Variants in MIDEAS observed in about 807,000 individuals in gnomAD.
The protein encoded by MIDEAS is mitotic deacetylase-associated SANT domain protein.
Under a neutral mutation model 102.7 loss-of-function variants are expected in MIDEAS, and 26 were observed. The ratio of observed to expected loss-of-function variants is 0.25; its 90% CI spans 0.19 to 0.35. MIDEAS has a LOEUF of 0.35. MIDEAS is among the 10% of genes least tolerant of loss of function. The pLI is 1.00. For missense variants in MIDEAS, 1,231 were observed against 1,435.6 expected (o/e 0.86, Z 2.30); for synonymous variants, 585 against 591.0 (o/e 0.99, Z 0.15).
intron 11 of MIDEAS, 151 bp from the exon 12 acceptor site, chr14:73,719,652 G>C: frequency 1.4e-6 from 1 of 709,092 alleles, no homozygotes; most frequent in South Asian, 1.8e-5. Context: ...GGGATATGAC[G>C]ACCATTGCCT....
chr14:73,764,501 C>T (rs769252917), upstream of MIDEAS, among the ~76,000 whole-genome samples: 10 of 152,278 alleles, frequency 6.6e-5, 1 homozygote, highest in Middle Eastern at 6.8e-3. Context: ...TGTCCTCCAA[C>T]GCTTCTCTCC....
rs1230177030 is a variant in MIDEAS, at chr14:73,740,112, G to A, written c.-104C>T. 10 of 1,373,722 alleles carry A rather than the reference G, an allele frequency of 7.3e-6. No individual in the cohort carries two copies. The highest frequency in any genetic ancestry group is 1.9e-4 in the Middle Eastern group (1 of 5,258). The allele number at this position is 1,373,722 out of a possible 1,614,324, so 85.1% of individuals were successfully genotyped here. On this transcript the variant is annotated 5_prime_UTR_variant, in exon 2 of 13. Transcript: ENST00000423556. ...CGGGCTCTAGTCCAGGAGCCAGGGA[G>A]GGCAGAGCAGGGGCAGAGGAAGACG...
At chr14:73,751,995 G>A (rs1213421869) in intron 1 of MIDEAS, among the ~76,000 whole-genome samples, 1 of 152,118 alleles carries the variant, frequency 6.6e-6, no homozygotes, top group East Asian at 1.9e-4. Context: ...GGCACCCTGA[G>A]CTCTGGGTCA....
At chr14:73,730,010 C>T (rs1462513029) in intron 3 of MIDEAS, 25 bp from the exon 4 acceptor site, 32 of 1,600,756 alleles carry the variant, frequency 2.0e-5, no homozygotes, top group African/African-American at 2.7e-5. Context: ...AAAACAAGGA[C>T]GGCTCAGCCC....
At chr14:73,778,467 G>A (rs891005771) in intron 1 of MIDEAS, among the ~76,000 whole-genome samples, 3 of 151,914 alleles carry the variant, frequency 2.0e-5, no homozygotes, top group African/African-American at 7.2e-5. Flanking sequence ...CCACGTGTCA[G>A]CACAGCCTCC....
chr14:73,773,289 C>T (rs926467637), intron 1 of MIDEAS, among the ~76,000 whole-genome samples: 15 of 151,902 alleles, frequency 9.9e-5, no homozygotes, highest in African/African-American at 3.4e-4. Flanking sequence ...CCCTGCTATT[C>T]GGAATACGTA....
At chr14:73,738,444 G>C in intron 2 of MIDEAS, 116 bp downstream of exon 2, 2 of 1,288,398 alleles carry the variant, frequency 1.6e-6, no homozygotes, top group Non-Finnish European at 2.1e-6. Flanking sequence ...TTTTCCCACA[G>C]GCAGCTGGCT....
chr14:73,720,043 C>G (rs1343868690), intron 11 of MIDEAS, among the ~76,000 whole-genome samples: 1 of 151,826 alleles, frequency 6.6e-6, no homozygotes, highest in Non-Finnish European at 1.5e-5. Context: ...GAGGTGACCT[C>G]GGCTGGGGAA....
At chr14:73,755,523 CT>C (rs564473381) in intron 1 of MIDEAS, among the ~76,000 whole-genome samples, 425 of 152,338 alleles carry the variant, frequency 2.8e-3, no homozygotes, top group Non-Finnish European at 4.8e-3. Flanking sequence ...AAACAGGGGA[CT>C]TTTTTTCCTT....
At chr14:73,735,746 G>A (rs1356570285) in intron 3 of MIDEAS, among the ~76,000 whole-genome samples, 2 of 152,304 alleles carry the variant, frequency 1.3e-5, no homozygotes, top group East Asian at 3.9e-4. Context: ...TTACTTAATA[G>A]GTACAATGTG....
At chr14:73,785,828 G>A (rs1401818101) in intron 1 of MIDEAS, among the ~76,000 whole-genome samples, 1 of 152,186 alleles carries the variant, frequency 6.6e-6, no homozygotes, top group Non-Finnish European at 1.5e-5. Flanking sequence ...CCACATCTCA[G>A]GCTTTGGACA....
upstream of MIDEAS, among the ~76,000 whole-genome samples, chr14:73,762,325 A>G (rs1178931005): frequency 1.3e-5 from 2 of 152,240 alleles, no homozygotes; most frequent in Non-Finnish European, 2.9e-5. Context: ...ACTCCAAAGG[A>G]GTGGCCCAGG....
In MIDEAS at chr14:73,725,148, T is replaced by C. The variant is rs552953179; in HGVS notation, c.2574+124A>G. On this transcript the variant is annotated intron_variant, in intron 9 of 12. Coordinates refer to ENST00000423556, the MANE Select transcript of MIDEAS (RefSeq NM_001367710.1). This position sits in a 1 kb window ranked among gnomAD's most constrained non-coding sequence, Gnocchi z 4.1. ...CTTGTATTGTTTAGGAAATTCTCTC[T>C]GAGGCTACTCAGTAGCATTGACCTG... 4 of 725,824 alleles carry C rather than the reference T, an allele frequency of 5.5e-6. No individual in the cohort carries two copies. Among genetic ancestry groups the C allele is most frequent in the Admixed American group, 2.1e-5 (1 of 48,310 alleles). 45.0% of individuals were successfully genotyped at this position (725,824 alleles called of 1,614,324 possible). A position where few individuals can be genotyped will look rare whatever the true frequency, so the allele number is the denominator to read the frequency against.
intron 1 of MIDEAS, among the ~76,000 whole-genome samples, chr14:73,771,432 C>T (rs2053641473): frequency 1.3e-5 from 2 of 152,136 alleles, no homozygotes; most frequent in Admixed American, 1.3e-4. Flanking sequence ...GTCTCCCTGT[C>T]CTGCCCTGGT....
At chr14:73,774,000 T>G (rs1595298650) in intron 1 of MIDEAS, among the ~76,000 whole-genome samples, 1 of 136,418 alleles carries the variant, frequency 7.3e-6, no homozygotes, top group Non-Finnish European at 1.5e-5. Flanking sequence ...CCAGCCTAGG[T>G]GACAGGGTGA....
chr14:73,727,098 G>A, intron 5 of MIDEAS, 126 bp from the exon 6 acceptor site: 2 of 1,247,542 alleles, frequency 1.6e-6, no homozygotes, highest in East Asian at 5.1e-5. Flanking sequence ...GGTGTAGGGA[G>A]TCTGGCTTCT....
chr14:73,724,740 C>T (rs2053038746), intron 9 of MIDEAS: 1 of 158,718 alleles, frequency 6.3e-6, no homozygotes, highest in South Asian at 1.7e-4. Flanking sequence ...AGATGCAATT[C>T]CTTGGATTAG....
At position 73,719,360 on chromosome 14, in the gene MIDEAS, T is replaced by C. The variant is rs770219923; in HGVS notation, c.3079A>G (p.Thr1027Ala). 1.2e-6 allele frequency: 2 copies of C among 1,613,990 alleles called. No individual in the cohort carries two copies. The highest frequency in any genetic ancestry group is 3.3e-5 in the Admixed American group (2 of 60,010). ...TCCTGATTCTGGGTCTTACTGAATG[T>C]CTCTGTTTTTTTCTTCTTCTCTGAA... ...PFSEKKKKTETFSKTQNQENT... is the reference protein window; with the variant it reads ...PFSEKKKKTEAFSKTQNQENT... Residue 1027 changes from threonine (T) to alanine (A), a missense_variant, in exon 12 of 13, where the codon ACA (threonine) becomes GCA (alanine). Physicochemically the swap from Thr to Ala is moderately conservative, Grantham distance 58. Around this residue, in one of 5 missense-constraint regions of MIDEAS, gnomAD observed 391 missense variants for 483.0 expected, o/e 0.81. Transcript: ENST00000423556.
At chr14:73,728,679 TA>T (rs1244639486) in intron 4 of MIDEAS, 1 of 152,338 alleles carries the variant, frequency 6.6e-6, no homozygotes, top group African/African-American at 2.4e-5. Context: ...TTGCATTCTC[TA>T]TAGAACAGAC....
Sources: gnomAD v4.1 joint callset for allele counts (sites outside exome capture counted in the v4.1 genomes callset) on GRCh38, gnomAD v4.1.1 for gene constraint, gnomAD v4.1.1 regional missense constraint, Gnocchi (gnomAD v3.1) non-coding constraint, MANE v1.5 for transcripts, NCBI Gene and HGNC (gene_info 2026-07-23, HGNC 2026-07-21) for gene names.